The following PPARGC1A variants were observed in gnomAD, a reference collection of about 807,000 sequenced individuals.
PPARGC1A encodes the protein PPARG coactivator 1 alpha, also known as peroxisome proliferator-activated receptor gamma coactivator 1-alpha.
PPARGC1A carries 25 observed loss-of-function variants against 88.7 expected under a neutral mutation model. That is an observed-to-expected ratio of 0.28 (90% CI 0.21 to 0.39). The LOEUF is 0.39. Among genes scored for constraint, PPARGC1A ranks in the 10% least tolerant of loss-of-function variants. The probability of loss-of-function intolerance (pLI) is 1.00; values close to 1 mark genes in which losing one functional copy is unlikely to be tolerated. For missense variants in PPARGC1A, 880 were observed against 968.7 expected (o/e 0.91, Z 1.22); for synonymous variants, 363 against 355.6 (o/e 1.02, Z -0.24).
the PPARGC1A span, among the ~76,000 whole-genome samples, chr4:24,374,279 AG>A: frequency 6.6e-6 from 1 of 152,182 alleles, no homozygotes; most frequent in Non-Finnish European, 1.5e-5. Context: ...ACTCAGGGAA[AG>A]TTAACGAACA....
At chr4:24,120,187 A>G in the PPARGC1A span, among the ~76,000 whole-genome samples, 143 of 152,268 alleles carry the variant, frequency 9.4e-4, no homozygotes, top group African/African-American at 3.4e-3. Flanking sequence ...CAACCAGTTG[A>G]TAAGTGGGAT....
chr4:24,087,376 A>G, the PPARGC1A span, among the ~76,000 whole-genome samples: 1 of 152,158 alleles, frequency 6.6e-6, no homozygotes, highest in Non-Finnish European at 1.5e-5. Flanking sequence ...TGAGGAGTTC[A>G]TCTTCTTGTG....
the PPARGC1A span, among the ~76,000 whole-genome samples, chr4:24,400,787 GAT>G: frequency 6.6e-6 from 1 of 152,140 alleles, no homozygotes; most frequent in Non-Finnish European, 1.5e-5. Context: ...TGGTGGGGAG[GAT>G]GATGAAAATG....
the PPARGC1A span, among the ~76,000 whole-genome samples, chr4:24,142,609 G>T: frequency 6.6e-6 from 1 of 152,106 alleles, no homozygotes; most frequent in African/African-American, 2.4e-5. Context: ...AGGAGGTGGA[G>T]GTTGTAGTGA....
the PPARGC1A span, among the ~76,000 whole-genome samples, chr4:24,034,433 A>G: frequency 1.3e-5 from 2 of 152,232 alleles, no homozygotes; most frequent in African/African-American, 2.4e-5. Context: ...ACTGATGATA[A>G]TAAGACTTAC....
At chr4:23,998,529 A>G in the PPARGC1A span, among the ~76,000 whole-genome samples, 1 of 152,160 alleles carries the variant, frequency 6.6e-6, no homozygotes, top group East Asian at 1.9e-4. Flanking sequence ...ATGCAAAATG[A>G]TATCTTCTTA....
the PPARGC1A span, among the ~76,000 whole-genome samples, chr4:24,207,841 G>T: frequency 2.0e-5 from 3 of 152,274 alleles, no homozygotes; most frequent in East Asian, 3.9e-4. Flanking sequence ...GTTGCATTAA[G>T]AAATAGAATT....
At chr4:24,061,347 C>T in the PPARGC1A span, among the ~76,000 whole-genome samples, 1 of 152,208 alleles carries the variant, frequency 6.6e-6, no homozygotes, top group African/African-American at 2.4e-5. Flanking sequence ...GGAAAAGCAT[C>T]CTGTGCACCC....
the PPARGC1A span, among the ~76,000 whole-genome samples, chr4:23,987,791 TTTA>T: frequency 1.3e-4 from 20 of 151,956 alleles, no homozygotes; most frequent in African/African-American, 4.8e-4. Context: ...TACAGATGCC[TTTA>T]TTATTATTAT....
the PPARGC1A span, among the ~76,000 whole-genome samples, chr4:24,197,034 G>A: frequency 1.3e-5 from 2 of 152,170 alleles, no homozygotes; most frequent in Non-Finnish European, 2.9e-5. Flanking sequence ...CTTACACGGT[G>A]AAAGGTGCCT....
At chr4:24,336,617 A>G in the PPARGC1A span, among the ~76,000 whole-genome samples, 21 of 152,344 alleles carry the variant, frequency 1.4e-4, no homozygotes, top group African/African-American at 5.1e-4. Flanking sequence ...TTTTACATAC[A>G]TGCATGCACT....
At chr4:24,345,305 A>G in the PPARGC1A span, among the ~76,000 whole-genome samples, 37 of 151,450 alleles carry the variant, frequency 2.4e-4, no homozygotes, top group South Asian at 1.7e-3. Context: ...GAATGATGGT[A>G]GTATTCTGAT....
the PPARGC1A span, among the ~76,000 whole-genome samples, chr4:23,951,724 A>G: frequency 6.6e-6 from 1 of 152,096 alleles, no homozygotes; most frequent in East Asian, 1.9e-4. Context: ...AAACTCTTCA[A>G]TTTATTGACT....
the PPARGC1A span, among the ~76,000 whole-genome samples, chr4:23,930,630 T>C: frequency 6.6e-6 from 1 of 152,198 alleles, no homozygotes; most frequent in African/African-American, 2.4e-5. Context: ...CAAAAATAAA[T>C]TGTTGCCAGA....
At chr4:23,870,169 T>C (rs1013992188) in intron 2 of PPARGC1A, among the ~76,000 whole-genome samples, 1 of 152,228 alleles carries the variant, frequency 6.6e-6, no homozygotes, top group Non-Finnish European at 1.5e-5. Flanking sequence ...ACCTATTTCC[T>C]CACATGATCA....
At chr4:24,276,928 T>C in the PPARGC1A span, among the ~76,000 whole-genome samples, 1 of 152,098 alleles carries the variant, frequency 6.6e-6, no homozygotes, top group Non-Finnish European at 1.5e-5. Flanking sequence ...ATGATGAATA[T>C]CAAGCGTCAG....
chr4:24,465,075 A>T, the PPARGC1A span, among the ~76,000 whole-genome samples: 1 of 152,224 alleles, frequency 6.6e-6, no homozygotes, highest in East Asian at 1.9e-4. Flanking sequence ...TGTGTTGCTC[A>T]GGCTGGTCTT....
chr4:23,820,477 A>C (rs1289161397), intron 7 of PPARGC1A: 1 of 260,234 alleles, frequency 3.8e-6, no homozygotes, highest in Non-Finnish European at 7.9e-6. Context: ...CACCTTGTTG[A>C]GCTGACATTG....
the PPARGC1A span, among the ~76,000 whole-genome samples, chr4:24,068,061 C>T: frequency 6.6e-6 from 1 of 152,116 alleles, no homozygotes; most frequent in Non-Finnish European, 1.5e-5. Context: ...GATAGGTCCT[C>T]GGTCTTCCTG....
Sources: gnomAD v4.1 joint callset for allele counts (sites outside exome capture counted in the v4.1 genomes callset) on GRCh38, gnomAD v4.1.1 for gene constraint, MANE v1.5 for transcripts, NCBI Gene and HGNC (gene_info 2026-07-23, HGNC 2026-07-21) for gene names.